Variants in PRKD1 observed in about 807,000 individuals in gnomAD.
PRKD1 encodes the protein serine/threonine-protein kinase D1.
PRKD1 carries 63 observed loss-of-function variants against 95.9 expected under a neutral mutation model. That is an observed-to-expected ratio of 0.66 (90% CI 0.54 to 0.81). PRKD1 has a LOEUF of 0.81. PRKD1 is among the 30% of genes least tolerant of loss of function. The pLI is 0.00. For missense variants in PRKD1, 1,048 were observed against 1,165.3 expected, an observed-to-expected ratio of 0.90 and a Z score of 1.47; for synonymous variants, 425 against 423.1, an observed-to-expected ratio of 1.00 and a Z score of -0.05.
At chr14:29,876,315 G>C (rs537257120) in intron 1 of PRKD1, among the ~76,000 whole-genome samples, 39 of 152,220 alleles carry the variant, frequency 2.6e-4, no homozygotes, top group African/African-American at 8.9e-4. Flanking sequence ...TAAAGAACAG[G>C]TCATTGCCAA....
At chr14:29,883,393 T>A (rs1324131672) in intron 1 of PRKD1, among the ~76,000 whole-genome samples, 1 of 152,198 alleles carries the variant, frequency 6.6e-6, no homozygotes, top group East Asian at 1.9e-4. Flanking sequence ...ACAACCCTTA[T>A]AAAGAACTAA....
chr14:29,672,340 CAAAAAA>C (rs564550184), intron 2 of PRKD1, among the ~76,000 whole-genome samples: 2 of 123,684 alleles, frequency 1.6e-5, no homozygotes, highest in African/African-American at 6.6e-5. Context: ...GACTCTGTCT[CAAAAAA>C]AAAATAAAAT....
chr14:29,639,015 A>G (rs1407470185), intron 4 of PRKD1, 111 bp from the exon 5 acceptor site: 2 of 777,030 alleles, frequency 2.6e-6, no homozygotes, highest in Non-Finnish European at 4.0e-6. Context: ...TTGATGTTTA[A>G]TAATATGAAA....
At chr14:29,900,081 A>T (rs1363146772) in intron 1 of PRKD1, among the ~76,000 whole-genome samples, 1 of 152,204 alleles carries the variant, frequency 6.6e-6, no homozygotes, top group Non-Finnish European at 1.5e-5. Flanking sequence ...CAGAACTGTG[A>T]GTCAATTAAA....
intron 1 of PRKD1, among the ~76,000 whole-genome samples, chr14:29,739,953 A>G (rs45496796): frequency 0.03 from 4,532 of 152,310 alleles, 86 homozygotes; most frequent in African/African-American, 0.051. Flanking sequence ...GGTAGTTTAA[A>G]TCATTATTTT....
At chr14:29,720,796 T>TAA (rs1451336017) in intron 2 of PRKD1, among the ~76,000 whole-genome samples, 3 of 148,766 alleles carry the variant, frequency 2.0e-5, no homozygotes, top group African/African-American at 7.6e-5. Context: ...AATAAATAAA[T>TAA]AAATAAATAA....
At chr14:29,742,076 T>G (rs927533719) in intron 1 of PRKD1, among the ~76,000 whole-genome samples, 1 of 152,180 alleles carries the variant, frequency 6.6e-6, no homozygotes, top group African/African-American at 2.4e-5. Flanking sequence ...TTCTTTCTTC[T>G]TTGTACTGAT....
rs1421628755 is a variant in PRKD1 at position 29,826,714 on chromosome 14, T to C, written c.264+100535A>G. 1.4e-4 allele frequency among the ~76,000 whole-genome samples: 12 copies of C among 83,398 alleles called. 2 individuals carry two copies. The highest frequency in any genetic ancestry group is 5.3e-4 in the African/African-American group (11 of 20,578). 54.7% of individuals were successfully genotyped at this position (83,398 alleles called of 152,430 possible). ...ACATATATATACATATATACACATATATATATACATATATATACACATATA... is the reference window on the plus strand; with the variant it reads ...ACATATATATACATATATACACATACATATATACATATATATACACATATA... On this transcript the variant is annotated intron_variant, in intron 1 of 17. Coordinates refer to ENST00000331968, the MANE Select transcript of PRKD1 (RefSeq NM_002742.3).
At chr14:29,690,881 A>G (rs550713799) in intron 2 of PRKD1, among the ~76,000 whole-genome samples, 1 of 152,240 alleles carries the variant, frequency 6.6e-6, no homozygotes, top group Admixed American at 6.5e-5. Flanking sequence ...CTTAAACTTC[A>G]TTGGACTTCT....
chr14:29,611,584 A>AGCAGAAAAAG (rs1275852542), intron 13 of PRKD1, among the ~76,000 whole-genome samples: 1 of 152,188 alleles, frequency 6.6e-6, no homozygotes, highest in African/African-American at 2.4e-5. Flanking sequence ...TTGGAGAACC[A>AGCAGAAAAAG]GCAGAAAAAG....
At position 29,593,329 on chromosome 14, in the gene PRKD1, C is replaced by T. The variant is rs372199342; in HGVS notation, c.2434+4162G>A. Reference sequence around the variant, plus strand: ...TTTTCAAATCATACCTTATTTTGCACACAAAACATCTATTTTTATAAAGGA... The same window carrying T: ...TTTTCAAATCATACCTTATTTTGCATACAAAACATCTATTTTTATAAAGGA... On this transcript the variant is annotated intron_variant, in intron 16 of 17. Coordinates refer to ENST00000331968, the MANE Select transcript of PRKD1 (RefSeq NM_002742.3). 2.6e-5 allele frequency among the ~76,000 whole-genome samples: 4 copies of T among 152,284 alleles called. No individual in the cohort carries two copies. In the East Asian group the frequency reaches 7.7e-4, roughly 29 times the overall value.
In PRKD1 at chr14:29,597,554, CGT is replaced by C; in HGVS notation, c.2369_2370del (p.His790ArgfsTer21). On this transcript the variant is annotated frameshift_variant, in exon 16 of 18. Coordinates refer to ENST00000331968, the MANE Select transcript of PRKD1 (RefSeq NM_002742.3). LOFTEE classifies it high-confidence loss of function. Reference protein sequence around the residue: ...TFPFNEDEDIHDQIQNAAFMY... With the variant: ...TFPFNEDEDIXDQIQNAAFMY... Reference sequence around the variant, plus strand: ...ATGAAAGCTGCATTCTGAATTTGGTCGTGTATGTCTTCATCTTCATTAAATGG... The same window carrying C: ...ATGAAAGCTGCATTCTGAATTTGGTCGTATGTCTTCATCTTCATTAAATGG... The C allele has an allele frequency of 2.5e-6, 4 of 1,613,730 alleles. No individual in the cohort carries two copies. Among genetic ancestry groups the C allele is most frequent in the Non-Finnish European group, 2.5e-6 (3 of 1,179,726 alleles).
intron 1 of PRKD1, among the ~76,000 whole-genome samples, chr14:29,863,754 A>G (rs573308186): frequency 2.6e-5 from 4 of 152,236 alleles, no homozygotes; most frequent in African/African-American, 4.8e-5. Flanking sequence ...GCATTCTACA[A>G]TCTTACTCTT....
chr14:29,706,025 GT>G (rs1885072206), intron 2 of PRKD1, among the ~76,000 whole-genome samples: 1 of 152,086 alleles, frequency 6.6e-6, no homozygotes, highest in Non-Finnish European at 1.5e-5. Flanking sequence ...CTGCCAAACT[GT>G]TTTCCAAAGC....
chr14:29,629,142 G>A (rs1018816075), intron 10 of PRKD1, 49 bp from the exon 11 acceptor site: 7 of 1,518,816 alleles, frequency 4.6e-6, no homozygotes, highest in Non-Finnish European at 6.4e-6. Flanking sequence ...AGTAAGAGAT[G>A]TAATAGCAAA....
intron 2 of PRKD1, among the ~76,000 whole-genome samples, chr14:29,714,613 T>C (rs1455450022): frequency 6.6e-6 from 1 of 152,326 alleles, no homozygotes; most frequent in Non-Finnish European, 1.5e-5. Flanking sequence ...ACTGGGTATA[T>C]ACCTAAAGGA....
At chr14:29,887,152 G>A (rs1299016010) in intron 1 of PRKD1, among the ~76,000 whole-genome samples, 1 of 152,126 alleles carries the variant, frequency 6.6e-6, no homozygotes, top group Admixed American at 6.5e-5. Flanking sequence ...TCTAGTGGTG[G>A]CTATAATGCT....
intron 4 of PRKD1, among the ~76,000 whole-genome samples, chr14:29,641,693 C>T (rs752109132): frequency 1.1e-4 from 16 of 152,072 alleles, no homozygotes; most frequent in Admixed American, 2.6e-4. Context: ...AGTCCCTAAG[C>T]GCTTATAGGG....
intron 13 of PRKD1, among the ~76,000 whole-genome samples, chr14:29,622,254 C>T (rs1455801133): frequency 2.0e-5 from 3 of 151,972 alleles, no homozygotes; most frequent in African/African-American, 7.3e-5. Context: ...TCCTGTTGTT[C>T]GGCCCAGTTC....
Sources: allele counts gnomAD v4.1 joint callset (sites outside exome capture counted in the v4.1 genomes callset), GRCh38; gene constraint gnomAD v4.1.1; transcripts MANE v1.5; gene names NCBI Gene and HGNC (gene_info 2026-07-23, HGNC 2026-07-21).